IQSEC1: variants seen among roughly 807,000 people sequenced by gnomAD.
IQSEC1 encodes the protein IQ motif and SEC7 domain-containing protein 1.
Under a neutral mutation model 91.0 loss-of-function variants are expected in IQSEC1, and 31 were observed. That is an observed-to-expected ratio of 0.34 (90% CI 0.26 to 0.46). The LOEUF (loss-of-function observed/expected upper bound fraction) is 0.46, where lower values mean the gene tolerates loss of function less well. Among genes scored for constraint, IQSEC1 ranks in the 20% least tolerant of loss-of-function variants. The pLI is 1.00. For missense variants in IQSEC1, 1,388 were observed against 1,575.6 expected, an observed-to-expected ratio of 0.88 and a Z score of 2.02; for synonymous variants, 699 against 662.6, an observed-to-expected ratio of 1.05 and a Z score of -0.84.
Position 12,994,001 on chromosome 3 carries a change from G to C in IQSEC1, c.24-52136C>G, listed in dbSNP as rs1484785268. 6.6e-6 allele frequency among the ~76,000 whole-genome samples: 1 copy of C among 150,672 alleles called. No individual in the cohort carries two copies. Among genetic ancestry groups the C allele is most frequent in the African/African-American group, 2.4e-5 (1 of 41,172 alleles). On this transcript the variant is annotated intron_variant, in intron 1 of 13. Transcript: ENST00000613206. This position sits in a 1 kb window ranked among gnomAD's most constrained non-coding sequence, Gnocchi z 4.5. ...GGCCGCCCCGCGGAGGGCATTCCCG[G>C]CTGCAGCCCCAGCGACCCCCGCCCG...
At chr3:13,246,908 G>A (rs530996745) in intron 1 of IQSEC1, among the ~76,000 whole-genome samples, 14 of 152,282 alleles carry the variant, frequency 9.2e-5, no homozygotes, top group African/African-American at 2.9e-4. Context: ...GAGCGAATGG[G>A]GAGGCTTCTT....
At chr3:12,964,255 A>T (rs769918029) in intron 1 of IQSEC1, among the ~76,000 whole-genome samples, 2 of 152,010 alleles carry the variant, frequency 1.3e-5, no homozygotes, top group African/African-American at 2.4e-5. Flanking sequence ...GCTTTTGAGG[A>T]CAAACAATAA....
chr3:13,241,202 A>G (rs1403890463), intron 1 of IQSEC1, among the ~76,000 whole-genome samples: 2 of 152,244 alleles, frequency 1.3e-5, no homozygotes. Context: ...ATTTTAGTTC[A>G]TGACCCTAAA....
rs557603953 is a variant in IQSEC1, at chr3:13,224,774, C to T, written c.272+57937G>A. Among the ~76,000 whole-genome samples the T allele has an allele frequency of 1.2e-4, 19 of 152,318 alleles. No homozygotes were observed. In the South Asian group the frequency reaches 3.1e-3, roughly 25 times the overall value. On this transcript the variant is annotated intron_variant, in intron 1 of 15. Transcript: ENST00000648114. The stretch of plus-strand genomic sequence containing the variant: ...CATTGTCAATCCCCCCGCCAACTCC[C>T]GTGACCACACAGGTGCAAGGAGACC...
In IQSEC1 at chr3:13,071,719, C is replaced by T. The variant is rs1220721891; in HGVS notation, c.23+1273G>A. On this transcript the variant is annotated intron_variant, in intron 1 of 13. Transcript: ENST00000613206. ...CGAACCAGAGGCCACCGTCATCCCT[C>T]GAACCAGAGGCCACCGCCATCCCCC... Among the ~76,000 whole-genome samples, 4 of 152,082 alleles carry T rather than the reference C, an allele frequency of 2.6e-5. No homozygotes were observed. The South Asian group carries it at 6.2e-4, about 24-fold the overall frequency.
At chr3:13,177,087 T>C (rs144956796) in intron 1 of IQSEC1, among the ~76,000 whole-genome samples, 1 of 152,066 alleles carries the variant, frequency 6.6e-6, no homozygotes, top group Non-Finnish European at 1.5e-5. Flanking sequence ...GGAGAGTTGG[T>C]TTTTGGGCTG....
intron 1 of IQSEC1, among the ~76,000 whole-genome samples, chr3:13,038,517 G>T (rs1015049731): frequency 1.3e-5 from 2 of 151,816 alleles, no homozygotes; most frequent in African/African-American, 2.4e-5. Flanking sequence ...GGGGACAGAG[G>T]GGGAGGTAGG....
At chr3:12,903,586 T>C (rs1390258293) in intron 12 of IQSEC1, among the ~76,000 whole-genome samples, 1 of 152,236 alleles carries the variant, frequency 6.6e-6, no homozygotes, top group Non-Finnish European at 1.5e-5. Flanking sequence ...GCACTCGGCA[T>C]GCGGGGTCCG....
Position 12,901,523 on chromosome 3 carries a change from C to A in IQSEC1, c.2806-1G>T. ...TGTGAGGACTGCTAATGATGGACCC[C>A]TAAAAAGGAAATTCATAGAAATCAA... On this transcript the variant is annotated splice_acceptor_variant, in intron 13 of 13. Coordinates refer to ENST00000613206, the MANE Select transcript of IQSEC1 (RefSeq NM_001134382.3). LOFTEE classifies it high-confidence loss of function. 1 of 1,544,860 alleles carries A rather than the reference C, an allele frequency of 6.5e-7. No individual in the cohort carries two copies. Among genetic ancestry groups the A allele is most frequent in the Non-Finnish European group, 8.7e-7 (1 of 1,144,914 alleles).
In IQSEC1 at chr3:13,073,184, G is replaced by T; in HGVS notation, c.-170C>A. On this transcript the variant is annotated 5_prime_UTR_variant, in exon 1 of 14. Transcript: ENST00000613206. ...GGCTCCTCCAGGGAGGCTGGGGCGG[G>T]AGCGGGGGGCGGCGCCAGCAGCGGG... is the stretch of plus-strand genomic sequence containing the variant. 2 of 663,418 alleles carry T rather than the reference G, an allele frequency of 3.0e-6. No individual in the cohort carries two copies. The highest frequency in any genetic ancestry group is 3.2e-5 in the East Asian group (1 of 31,708). 41.1% of individuals were successfully genotyped at this position (663,418 alleles called of 1,614,324 possible).
intron 1 of IQSEC1, among the ~76,000 whole-genome samples, chr3:12,953,647 C>A (rs563568328): frequency 1.6e-4 from 25 of 152,300 alleles, no homozygotes; most frequent in Non-Finnish European, 2.8e-4. Context: ...CAGCAGTCAG[C>A]GTACAGGGGG....
intron 1 of IQSEC1, among the ~76,000 whole-genome samples, chr3:13,032,442 G>A (rs1198014283): frequency 6.6e-6 from 1 of 152,244 alleles, no homozygotes; most frequent in African/African-American, 2.4e-5. Context: ...TGCAGGATGC[G>A]GATGGGCCAG....
Position 12,908,336 on chromosome 3 carries a change from G to A in IQSEC1, c.2755+13C>T, listed in dbSNP as rs769777143. 10 of 1,610,708 alleles carry A rather than the reference G, an allele frequency of 6.2e-6. No homozygotes were observed. In the African/African-American group the frequency reaches 1.1e-4, roughly 17 times the overall value. ...CGCTGGGCTAGCAAGGTGGTTCTAGGCCAAGCTCTTACCGGCTTCCGAGAG... is the reference window on the plus strand; with the variant it reads ...CGCTGGGCTAGCAAGGTGGTTCTAGACCAAGCTCTTACCGGCTTCCGAGAG... On this transcript the variant is annotated intron_variant, in intron 12 of 13. Coordinates refer to ENST00000613206, the MANE Select transcript of IQSEC1 (RefSeq NM_001134382.3). This position sits in a 1 kb window ranked among gnomAD's most constrained non-coding sequence, Gnocchi z 4.9.
intron 2 of IQSEC1, among the ~76,000 whole-genome samples, chr3:13,137,008 A>C (rs1316871883): frequency 6.6e-6 from 1 of 152,184 alleles, no homozygotes; most frequent in Non-Finnish European, 1.5e-5. Flanking sequence ...ATAGTGGCAC[A>C]TGCCTGTGGT....
At chr3:13,210,632 A>G (rs1694426472) in intron 1 of IQSEC1, among the ~76,000 whole-genome samples, 1 of 152,200 alleles carries the variant, frequency 6.6e-6, no homozygotes, top group South Asian at 2.1e-4. Flanking sequence ...AACTGCAGGC[A>G]GACACATGCC....
intron 2 of IQSEC1, among the ~76,000 whole-genome samples, chr3:13,155,913 T>A (rs908016903): frequency 6.6e-6 from 1 of 152,086 alleles, no homozygotes; most frequent in Non-Finnish European, 1.5e-5. Flanking sequence ...AATTCAACAC[T>A]TTTTCATAAT....
intron 1 of IQSEC1, among the ~76,000 whole-genome samples, chr3:12,993,459 T>G (rs1576130637): frequency 6.9e-5 from 3 of 43,476 alleles, no homozygotes; most frequent in South Asian, 7.7e-4. Context: ...GCAGCAGCGG[T>G]GGTGGAGGCG....
At chr3:13,052,991 C>G in intron 1 of IQSEC1, 1 of 1,198,326 alleles carries the variant, frequency 8.3e-7, no homozygotes, top group Non-Finnish European at 1.2e-6. Flanking sequence ...TGGTTCTTCT[C>G]CAATGTCTCC....
At chr3:12,923,823 C>T (rs911945969) in intron 4 of IQSEC1, among the ~76,000 whole-genome samples, 8 of 152,218 alleles carry the variant, frequency 5.3e-5, no homozygotes, top group African/African-American at 7.2e-5. Context: ...CAGGGCTGGG[C>T]GGCTAGAAGG....
Sources: allele counts gnomAD v4.1 joint callset (sites outside exome capture counted in the v4.1 genomes callset), GRCh38; gene constraint gnomAD v4.1.1; non-coding constraint Gnocchi (gnomAD v3.1); transcripts MANE v1.5; gene names NCBI Gene and HGNC (gene_info 2026-07-23, HGNC 2026-07-21).